The following NBEA variants were observed in gnomAD, a reference collection of about 807,000 sequenced individuals.
NBEA encodes neurobeachin, also known as lysosomal-trafficking regulator 2.
In NBEA, 44 loss-of-function variants were observed where a neutral mutation model predicts 343.4. The observed-to-expected ratio is 0.13, with a 90% CI of 0.10 to 0.16. The LOEUF (loss-of-function observed/expected upper bound fraction) is 0.16. NBEA is among the 10% of genes least tolerant of loss of function. The pLI, the probability that NBEA is intolerant of heterozygous loss-of-function variation, is 1.00. For synonymous variants in NBEA, 1,175 were observed against 1,238.7 expected (o/e 0.95, Z 1.08); for missense variants, 2,555 against 3,631.3 (o/e 0.70, Z 7.62).
At chr13:35,513,158 A>G (rs1219788814) in intron 41 of NBEA, among the ~76,000 whole-genome samples, 1 of 145,352 alleles carries the variant, frequency 6.9e-6, no homozygotes, top group East Asian at 2.0e-4. Flanking sequence ...TTTTTTTAAG[A>G]TGGAGTCTTG....
At chr13:35,630,169 A>C (rs2083391266) in intron 49 of NBEA, among the ~76,000 whole-genome samples, 1 of 152,240 alleles carries the variant, frequency 6.6e-6, no homozygotes. Flanking sequence ...TGTCCAATTT[A>C]AATGAGGGTT....
chr13:35,445,456 T>G (rs561211531), intron 39 of NBEA, among the ~76,000 whole-genome samples: 2 of 152,166 alleles, frequency 1.3e-5, no homozygotes, highest in African/African-American at 4.8e-5. Context: ...TCTACAAATT[T>G]GGAAACTGAA....
intron 40 of NBEA, among the ~76,000 whole-genome samples, chr13:35,461,876 G>A (rs1419794824): frequency 6.6e-6 from 1 of 152,172 alleles, no homozygotes; most frequent in African/African-American, 2.4e-5. Context: ...AGCAGCTATA[G>A]AAATACTTAA....
At chr13:34,956,699 T>C (rs971973473) in intron 1 of NBEA, among the ~76,000 whole-genome samples, 1 of 152,190 alleles carries the variant, frequency 6.6e-6, no homozygotes, top group African/African-American at 2.4e-5. Context: ...AAGTACACAG[T>C]ACAATATTGT....
At chr13:35,371,305 ATTCTTTT>A (rs2041419745) in intron 38 of NBEA, among the ~76,000 whole-genome samples, 1 of 151,926 alleles carries the variant, frequency 6.6e-6, no homozygotes, top group African/African-American at 2.4e-5. Context: ...TGTTTATTAT[ATTCTTTT>A]TTCTTTATTA....
intron 1 of NBEA, among the ~76,000 whole-genome samples, chr13:34,994,198 CAAAAAAAAAAAAAAA>C (rs57966701): frequency 5.7e-4 from 17 of 29,938 alleles, no homozygotes; most frequent in East Asian, 3.1e-3. Context: ...GCTCTGTCTC[CAAAAAAAAAAAAAAA>C]AAAAAAAAAA....
intron 9 of NBEA, among the ~76,000 whole-genome samples, 195 bp from the exon 10 acceptor site, chr13:35,070,524 C>A (rs1285977856): frequency 6.6e-6 from 1 of 151,886 alleles, no homozygotes; most frequent in Non-Finnish European, 1.5e-5. Context: ...AATGCCTCAA[C>A]CTAAGATTTG....
At chr13:35,449,663 G>T (rs866120694) in intron 39 of NBEA, among the ~76,000 whole-genome samples, 4 of 152,106 alleles carry the variant, frequency 2.6e-5, no homozygotes, top group African/African-American at 9.7e-5. Flanking sequence ...TCTTGGGCTG[G>T]CTTTATATCA....
At chr13:35,336,459 G>A (rs1455314543) in intron 36 of NBEA, among the ~76,000 whole-genome samples, 4 of 152,092 alleles carry the variant, frequency 2.6e-5, no homozygotes, top group Non-Finnish European at 4.4e-5. Context: ...GCGGAAAGTA[G>A]CGTGGCACTT....
chr13:35,203,721 C>T (rs967474003), intron 31 of NBEA, among the ~76,000 whole-genome samples: 3 of 152,122 alleles, frequency 2.0e-5, no homozygotes, highest in Admixed American at 6.6e-5. Context: ...ACATGTATTA[C>T]TTATTAGTCA....
intron 45 of NBEA, among the ~76,000 whole-genome samples, chr13:35,579,812 A>T (rs1031329481): frequency 6.6e-6 from 1 of 152,116 alleles, no homozygotes; most frequent in African/African-American, 2.4e-5. Flanking sequence ...TTTTAGGAAA[A>T]CCAAGCTTTT....
intron 41 of NBEA, among the ~76,000 whole-genome samples, chr13:35,534,971 A>C (rs565788066): frequency 6.6e-6 from 1 of 152,358 alleles, no homozygotes; most frequent in Non-Finnish European, 1.5e-5. Context: ...AAAAAGAATA[A>C]AAACTCAGCA....
intron 27 of NBEA, among the ~76,000 whole-genome samples, chr13:35,175,929 AG>A (rs577189811): frequency 1.8e-4 from 28 of 152,018 alleles, no homozygotes; most frequent in Non-Finnish European, 4.0e-4. Flanking sequence ...AAATTAGATT[AG>A]GGGTAGAGAA....
At chr13:34,975,167 A>G (rs2060122795) in intron 1 of NBEA, among the ~76,000 whole-genome samples, 1 of 152,202 alleles carries the variant, frequency 6.6e-6, no homozygotes, top group African/African-American at 2.4e-5. Context: ...GTTCTGTGAG[A>G]AAATTACAAA....
chr13:35,321,049 G>C (rs944521485), intron 36 of NBEA, among the ~76,000 whole-genome samples: 17 of 152,112 alleles, frequency 1.1e-4, no homozygotes, highest in East Asian at 1.9e-4. Context: ...TGCTGCTTTA[G>C]CTTGGAGGAG....
At chr13:35,551,136 C>A in intron 43 of NBEA, 104 bp downstream of exon 43, 2 of 610,052 alleles carry the variant, frequency 3.3e-6, no homozygotes, top group South Asian at 3.7e-5. Flanking sequence ...ATTTCAGAGA[C>A]CAAAGAATTT....
chr13:35,601,724 TGGACTCCAGCCTGGGTGGCAGAGCA>T (rs2082054781), intron 47 of NBEA, among the ~76,000 whole-genome samples: 1 of 133,196 alleles, frequency 7.5e-6, no homozygotes, highest in Non-Finnish European at 1.5e-5. Flanking sequence ...ATCATGCCAT[TGGACTCCAGCCTGGGTGGCAGAGCA>T]GGACTCCATC....
At chr13:35,417,833 G>T (rs1036998759) in intron 38 of NBEA, among the ~76,000 whole-genome samples, 3 of 151,986 alleles carry the variant, frequency 2.0e-5, no homozygotes, top group Non-Finnish European at 2.9e-5. Context: ...TTGACAGTGG[G>T]GTGTTAAAAT....
intron 41 of NBEA, among the ~76,000 whole-genome samples, chr13:35,527,535 A>G (rs1455353198): frequency 6.6e-6 from 1 of 152,192 alleles, no homozygotes; most frequent in African/African-American, 2.4e-5. Flanking sequence ...CTGGGTGCCC[A>G]AAGTCCAGAC....
Sources: allele counts gnomAD v4.1 joint callset (sites outside exome capture counted in the v4.1 genomes callset), GRCh38; gene constraint gnomAD v4.1.1; transcripts MANE v1.5; gene names NCBI Gene and HGNC (gene_info 2026-07-23, HGNC 2026-07-21).